The following HDAC9 variants were observed in gnomAD, a reference collection of about 807,000 sequenced individuals.
The protein encoded by HDAC9 is histone deacetylase 9.
HDAC9 carries 41 observed loss-of-function variants against 139.4 expected under a neutral mutation model. The ratio of observed to expected loss-of-function variants is 0.29; its 90% confidence interval spans 0.23 to 0.38. The LOEUF is 0.38. HDAC9 is among the 10% of genes least tolerant of loss of function. HDAC9 has a pLI of 1.00. For synonymous variants in HDAC9, 517 were observed against 476.2 expected, an observed-to-expected ratio of 1.09 and a Z score of -1.12; for missense variants, 1,147 against 1,297.0, an observed-to-expected ratio of 0.88 and a Z score of 1.78.
Position 18,325,270 on chromosome 7 carries a change from T to A in HDAC9, c.-42+34755T>A, listed in dbSNP as rs555944124. ...CTCAGCGCTTTTCAAAAGAAAACCC[T>A]ATTTTTTAAATATAACAGCAATGAA... is the stretch of plus-strand genomic sequence containing the variant. On this transcript the variant is annotated intron_variant, in intron 1 of 3. Coordinates refer to the HDAC9 transcript ENST00000413509. 1.1e-4 allele frequency among the ~76,000 whole-genome samples: 16 copies of A among 152,262 alleles called. No individual in the cohort carries two copies. In the East Asian group the frequency reaches 3.1e-3, roughly 29 times the overall value.
intron 1 of HDAC9, among the ~76,000 whole-genome samples, chr7:18,090,750 C>CT (rs1288211990): frequency 6.6e-6 from 1 of 152,110 alleles, no homozygotes; most frequent in African/African-American, 2.4e-5. Context: ...ATCAGCTCTG[C>CT]TTCTTTGGCC....
chr7:18,805,485 CA>C (rs1423088412), intron 17 of HDAC9, among the ~76,000 whole-genome samples: 2 of 152,158 alleles, frequency 1.3e-5, no homozygotes, highest in Non-Finnish European at 2.9e-5. Flanking sequence ...TGCACAGATG[CA>C]AAAACTGTTG....
At chr7:18,480,838 A>G (rs1277905104) in intron 1 of HDAC9, among the ~76,000 whole-genome samples, 1 of 152,244 alleles carries the variant, frequency 6.6e-6, no homozygotes, top group Non-Finnish European at 1.5e-5. Flanking sequence ...AAAGCCATCA[A>G]CTGGGCTGCT....
chr7:18,304,293 G>T (rs1293432903), intron 1 of HDAC9, among the ~76,000 whole-genome samples: 2 of 152,206 alleles, frequency 1.3e-5, no homozygotes, highest in East Asian at 3.9e-4. Flanking sequence ...GAGGAATGAT[G>T]AGTGTAAATT....
At chr7:18,925,263 C>A (rs1243711907) in intron 22 of HDAC9, among the ~76,000 whole-genome samples, 1 of 152,118 alleles carries the variant, frequency 6.6e-6, no homozygotes, top group African/African-American at 2.4e-5. Flanking sequence ...ACTGACCCAA[C>A]CTCTTATCCC....
chr7:18,689,915 T>G (rs886628888), intron 12 of HDAC9, among the ~76,000 whole-genome samples: 1 of 152,052 alleles, frequency 6.6e-6, no homozygotes, highest in African/African-American at 2.4e-5. Flanking sequence ...TATCTATAAG[T>G]CAGGACACAA....
Position 18,323,935 on chromosome 7 carries a change from G to GT in HDAC9, c.-42+33434dup, listed in dbSNP as rs201833273. Among the ~76,000 whole-genome samples, 702 of 138,834 alleles carry GT rather than the reference G, an allele frequency of 5.1e-3. 1 individual carries two copies. The highest frequency in any genetic ancestry group is 0.01 in the African/African-American group (387 of 38,094). The allele number at this position is 138,834 out of a possible 152,430, so 91.1% of individuals were successfully genotyped here. On this transcript the variant is annotated intron_variant, in intron 1 of 3. Coordinates refer to the HDAC9 transcript ENST00000413509. ...CTGCTTCCTGGCTTATGGTTGTTTT[G>GT]TTTTTTTTTTTTTTCACTTTGTCCT...
intron 13 of HDAC9, among the ~76,000 whole-genome samples, chr7:18,743,156 T>G (rs1166454519): frequency 1.3e-5 from 2 of 152,210 alleles, no homozygotes; most frequent in Non-Finnish European, 2.9e-5. Flanking sequence ...GAATTGTGTT[T>G]GGCTTCACTT....
intron 1 of HDAC9, among the ~76,000 whole-genome samples, chr7:18,431,885 A>G (rs1013573360): frequency 6.6e-6 from 1 of 152,220 alleles, no homozygotes; most frequent in South Asian, 2.1e-4. Context: ...ATCTGTAGAA[A>G]GAACACTGTG....
At chr7:18,935,627 C>T (rs1781579110) in intron 22 of HDAC9, among the ~76,000 whole-genome samples, 182 bp from the exon 23 acceptor site, 1 of 152,030 alleles carries the variant, frequency 6.6e-6, no homozygotes, top group Non-Finnish European at 1.5e-5. Context: ...CTTTGGGTCC[C>T]TTATCTGTAA....
chr7:18,762,318 A>G (rs1789460834), intron 15 of HDAC9, 41 bp downstream of exon 15: 2 of 1,604,758 alleles, frequency 1.2e-6, no homozygotes, highest in African/African-American at 1.3e-5. Flanking sequence ...AGCACATTCC[A>G]GCACTATCAT....
intron 12 of HDAC9, among the ~76,000 whole-genome samples, chr7:18,713,316 A>T (rs1486968478): frequency 6.6e-6 from 1 of 152,196 alleles, no homozygotes; most frequent in Non-Finnish European, 1.5e-5. Flanking sequence ...GGTGATGAGC[A>T]TTGCAGATGA....
At chr7:18,827,158 ATAT>A (rs1420286804) in intron 17 of HDAC9, among the ~76,000 whole-genome samples, 3 of 151,876 alleles carry the variant, frequency 2.0e-5, no homozygotes, top group African/African-American at 7.2e-5. Context: ...TCCTTCGTAT[ATAT>A]TATACTATGT....
chr7:18,963,822 T>C (rs1214113573), intron 24 of HDAC9, among the ~76,000 whole-genome samples: 1 of 152,330 alleles, frequency 6.6e-6, no homozygotes, highest in Middle Eastern at 3.4e-3. Flanking sequence ...GTCATAGAAT[T>C]GTTGACTTGC....
In HDAC9 at chr7:18,648,250, C is replaced by G. The variant is rs182863682; in HGVS notation, c.1250-216C>G. Among the ~76,000 whole-genome samples the G allele has an allele frequency of 3.3e-5, 5 of 152,176 alleles. No individual in the cohort carries two copies. In the East Asian group the frequency reaches 9.7e-4, roughly 29 times the overall value. Reference sequence around the variant, plus strand: ...CTGTGGTGAGTCGTATGGTCAGATGCGTACCTGTCCAATGCCTTGACATTT... The same window carrying G: ...CTGTGGTGAGTCGTATGGTCAGATGGGTACCTGTCCAATGCCTTGACATTT... On this transcript the variant is annotated intron_variant, in intron 10 of 25. Transcript: ENST00000686413.
chr7:18,264,694 C>A (rs1320348861), intron 2 of HDAC9, among the ~76,000 whole-genome samples: 1 of 152,170 alleles, frequency 6.6e-6, no homozygotes, highest in Non-Finnish European at 1.5e-5. Context: ...TTAAGACATT[C>A]TTGCCTATGC....
intron 2 of HDAC9, among the ~76,000 whole-genome samples, chr7:18,531,150 C>A (rs895175480): frequency 2.0e-5 from 3 of 152,024 alleles, no homozygotes; most frequent in African/African-American, 7.2e-5. Context: ...ACTATACTTA[C>A]TTTATTCTTA....
At chr7:18,337,837 C>T (rs1456771567) in intron 1 of HDAC9, among the ~76,000 whole-genome samples, 1 of 151,770 alleles carries the variant, frequency 6.6e-6, no homozygotes, top group East Asian at 1.9e-4. Context: ...TAAATAACAT[C>T]TATTTTTGTA....
At chr7:18,337,565 G>A (rs1781673737) in intron 1 of HDAC9, among the ~76,000 whole-genome samples, 1 of 151,670 alleles carries the variant, frequency 6.6e-6, no homozygotes. Flanking sequence ...TTTAGTTCCT[G>A]ATCTCATCTT....
Sources: allele counts gnomAD v4.1 joint callset (sites outside exome capture counted in the v4.1 genomes callset), GRCh38; gene constraint gnomAD v4.1.1; transcripts MANE v1.5; gene names NCBI Gene and HGNC (gene_info 2026-07-23, HGNC 2026-07-21).